The following PHYHIPL variants were observed in gnomAD, a reference collection of about 807,000 sequenced individuals.
PHYHIPL encodes phytanoyl-CoA hydroxylase-interacting protein-like.
In PHYHIPL, 9 loss-of-function variants were observed where a neutral mutation model predicts 33.4. The observed-to-expected ratio is 0.27, with a 90% CI of 0.16 to 0.47. PHYHIPL has a LOEUF of 0.47. Among genes scored for constraint, PHYHIPL ranks in the 20% least tolerant of loss-of-function variants. The probability of loss-of-function intolerance (pLI) is 0.99; values close to 1 mark genes in which losing one functional copy is unlikely to be tolerated. For missense variants in PHYHIPL, 365 were observed against 460.7 expected, an observed-to-expected ratio of 0.79 and a Z score of 1.90; for synonymous variants, 153 against 154.1, an observed-to-expected ratio of 0.99 and a Z score of 0.05.
upstream of PHYHIPL, among the ~76,000 whole-genome samples, chr10:59,173,927 T>G (rs1447097757): frequency 1.2e-5 from 1 of 85,818 alleles, no homozygotes; most frequent in Non-Finnish European, 2.1e-5. Context: ...TGAGGTTTTT[T>G]TTTTTTTTTT....
intron 1 of PHYHIPL, among the ~76,000 whole-genome samples, chr10:59,182,425 C>T (rs1281611546): frequency 2.6e-5 from 4 of 152,124 alleles, no homozygotes; most frequent in African/African-American, 9.7e-5. Flanking sequence ...TCACTGCAAC[C>T]TCCGCCTTCT....
At chr10:59,178,222 C>A (rs1428048486) in intron 1 of PHYHIPL, among the ~76,000 whole-genome samples, 1 of 151,514 alleles carries the variant, frequency 6.6e-6, no homozygotes, top group Non-Finnish European at 1.5e-5. Context: ...AACCAGAATT[C>A]AAACTTTTTG....
At chr10:59,224,455 G>GGAAAC (rs1425644418) in intron 1 of PHYHIPL, among the ~76,000 whole-genome samples, 51 of 39,142 alleles carry the variant, frequency 1.3e-3, no homozygotes, top group Non-Finnish European at 2.3e-3. Context: ...CCTGTCTCAA[G>GGAAAC]GAAACAAAAC....
rs1267415759 is a variant in PHYHIPL at position 59,246,734 on chromosome 10, A to G, written c.*1143A>G. 1 of 397,036 alleles carries G rather than the reference A, an allele frequency of 2.5e-6. No individual in the cohort carries two copies. Among genetic ancestry groups the G allele is most frequent in the Non-Finnish European group, 4.4e-6 (1 of 225,038 alleles). 24.6% of individuals were successfully genotyped at this position (397,036 alleles called of 1,614,324 possible). On this transcript the variant is annotated 3_prime_UTR_variant, in exon 5 of 5. Transcript: ENST00000373880. ...CTCATGGGAAATGTTTTGACTTTAC[A>G]AAGTATAGATGTTGGAACATTAAGA...
chr10:59,235,705 T>A (rs1840208790), intron 2 of PHYHIPL, among the ~76,000 whole-genome samples: 1 of 151,928 alleles, frequency 6.6e-6, no homozygotes, highest in Non-Finnish European at 1.5e-5. Flanking sequence ...AAATGATGAA[T>A]TGTTTGAGAT....
At chr10:59,211,969 G>A (rs1170806830) in intron 1 of PHYHIPL, among the ~76,000 whole-genome samples, 1 of 152,124 alleles carries the variant, frequency 6.6e-6, no homozygotes, top group African/African-American at 2.4e-5. Context: ...ATTGAGAGGA[G>A]GGACTTTTAA....
At chr10:59,239,160 G>C (rs1416332636) in intron 4 of PHYHIPL, among the ~76,000 whole-genome samples, 2 of 151,924 alleles carry the variant, frequency 1.3e-5, no homozygotes, top group Non-Finnish European at 2.9e-5. Context: ...TTTAGCTGTT[G>C]TATTAGTGTG....
At chr10:59,194,611 C>T (rs1838861741) in intron 1 of PHYHIPL, among the ~76,000 whole-genome samples, 1 of 152,116 alleles carries the variant, frequency 6.6e-6, no homozygotes, top group African/African-American at 2.4e-5. Context: ...TAGTTATTTT[C>T]CCTGCAATAG....
chr10:59,194,267 A>G (rs1399873065), intron 1 of PHYHIPL, among the ~76,000 whole-genome samples: 3 of 151,564 alleles, frequency 2.0e-5, no homozygotes, highest in Non-Finnish European at 2.9e-5. Flanking sequence ...TATTTCTAAG[A>G]TATTTATTTT....
At chr10:59,196,262 T>C (rs1838911531) in intron 1 of PHYHIPL, among the ~76,000 whole-genome samples, 2 of 151,888 alleles carry the variant, frequency 1.3e-5, no homozygotes, top group Admixed American at 6.6e-5. Flanking sequence ...GTTTTTATTC[T>C]GAAGTAGATA....
chr10:59,238,614 T>G lies in PHYHIPL; in HGVS notation c.505T>G (p.Leu169Val). 1 of 1,609,398 alleles carries G rather than the reference T, an allele frequency of 6.2e-7. No homozygotes were observed. Among genetic ancestry groups the G allele is most frequent in the Non-Finnish European group, 8.5e-7 (1 of 1,176,386 alleles). ...CTATTCAAAAGTTCATCTAACACAATTGTTGGAGAAGGCTGAAGTGATTGC... is the reference window on the plus strand; with the variant it reads ...CTATTCAAAAGTTCATCTAACACAAGTGTTGGAGAAGGCTGAAGTGATTGC... ...ADYSKVHLTQ[L>V]LEKAEVIAGR... Residue 169 changes from leucine to valine, a missense_variant, in exon 4 of 5, where the codon TTG (leucine) becomes GTG (valine). Leu to Val is a conservative substitution (Grantham distance 32). Coordinates refer to ENST00000373880, the MANE Select transcript of PHYHIPL (RefSeq NM_032439.4).
chr10:59,186,225 C>T (rs1192386220), intron 1 of PHYHIPL, among the ~76,000 whole-genome samples: 3 of 152,200 alleles, frequency 2.0e-5, no homozygotes, highest in African/African-American at 7.2e-5. Flanking sequence ...AATAGGGAAT[C>T]CTTTCCCCAT....
chr10:59,191,855 AT>A (rs1346611812), intron 1 of PHYHIPL, among the ~76,000 whole-genome samples: 1 of 151,926 alleles, frequency 6.6e-6, no homozygotes, highest in African/African-American at 2.4e-5. Context: ...TTCATTTCCT[AT>A]ACTGGAAAAA....
rs755362429 is a variant in PHYHIPL, at chr10:59,238,677, C to A, written c.568C>A (p.Gln190Lys). Residue 190 changes from glutamine to lysine, a missense_variant, in exon 4 of 5, where the codon CAG becomes AAG. Around this residue, in one of 4 missense-constraint regions of PHYHIPL, gnomAD observed 196 missense variants for 224.9 expected, o/e 0.87. Transcript: ENST00000373880. ...MLKFSVFYRN[Q>K]HKEYFDYVRE... Reference sequence around the variant, plus strand: ...TAAGTTTTCTGTTTTTTATCGTAATCAGCACAAAGAATATTTTGACTATGT... The same window carrying A: ...TAAGTTTTCTGTTTTTTATCGTAATAAGCACAAAGAATATTTTGACTATGT... 1 of 1,594,248 alleles carries A rather than the reference C, an allele frequency of 6.3e-7. No individual in the cohort carries two copies. The highest frequency in any genetic ancestry group is 8.6e-7 in the Non-Finnish European group (1 of 1,162,548).
At position 59,243,758 on chromosome 10, in the gene PHYHIPL, AAAAC is replaced by A. The variant is rs558952486; in HGVS notation, c.597-1292_597-1289del. Among the ~76,000 whole-genome samples, 857 of 152,210 alleles carry A rather than the reference AAAAC, an allele frequency of 5.6e-3. 5 individuals carry two copies. The highest frequency in any genetic ancestry group is 0.02 in the African/African-American group (815 of 41,520). The stretch of plus-strand genomic sequence containing the variant: ...ATGCTGGTCAGGGACCCAGCAAAAA[AAAAC>A]AAACAACAAAAAAAAGAAGGCAGCA... On this transcript the variant is annotated intron_variant, in intron 4 of 4. Transcript: ENST00000373880.
intron 1 of PHYHIPL, among the ~76,000 whole-genome samples, chr10:59,181,847 A>G (rs1198951221): frequency 1.3e-5 from 2 of 152,182 alleles, no homozygotes; most frequent in Non-Finnish European, 2.9e-5. Flanking sequence ...ACATCAAAGG[A>G]TATGTGACCA....
rs145007135 is a variant in PHYHIPL, at chr10:59,201,344, C to T, written c.106+24385C>T. Among the ~76,000 whole-genome samples the T allele has an allele frequency of 7.2e-3, 1,102 of 152,240 alleles. 4 individuals are homozygous for T. The highest frequency in any genetic ancestry group is 0.02 in the Admixed American group (300 of 15,284). On this transcript the variant is annotated intron_variant, in intron 1 of 4. Transcript: ENST00000373880. Reference sequence around the variant, plus strand: ...GGTAGTCATTCAGGAACAGGTTGTTCGTTTTCCATGTAGTTGAGTGGTTTT... The same window carrying T: ...GGTAGTCATTCAGGAACAGGTTGTTTGTTTTCCATGTAGTTGAGTGGTTTT...
intron 1 of PHYHIPL, among the ~76,000 whole-genome samples, chr10:59,219,581 A>T (rs1051125424): frequency 3.3e-5 from 5 of 152,140 alleles, no homozygotes; most frequent in African/African-American, 1.2e-4. Context: ...ATGAATAGTG[A>T]TCACTTTTTG....
At chr10:59,190,090 T>C (rs1758123712) in intron 1 of PHYHIPL, among the ~76,000 whole-genome samples, 1 of 152,018 alleles carries the variant, frequency 6.6e-6, no homozygotes, top group Non-Finnish European at 1.5e-5. Context: ...TATTGTGTAA[T>C]TGTACTATAA....
Sources: allele counts gnomAD v4.1 joint callset (sites outside exome capture counted in the v4.1 genomes callset), GRCh38; gene constraint gnomAD v4.1.1; regional missense constraint gnomAD v4.1.1; transcripts MANE v1.5; gene names NCBI Gene and HGNC (gene_info 2026-07-23, HGNC 2026-07-21).